The following PI15 variants were observed in gnomAD, a reference collection of about 807,000 sequenced individuals.
The protein encoded by PI15 is 25 kDa trypsin inhibitor.
Under a neutral mutation model 31.0 loss-of-function variants are expected in PI15, and 18 were observed. The observed-to-expected ratio is 0.58, with a 90% CI of 0.40 to 0.86. The LOEUF is 0.86. Ranked by LOEUF, PI15 falls within the 40% of genes least tolerant of loss-of-function variation. PI15 has a pLI of 0.00. For synonymous variants in PI15, 118 were observed against 119.1 expected (o/e 0.99, Z 0.06); for missense variants, 282 against 328.1 (o/e 0.86, Z 1.09).
chr8:74,836,372 G>C (rs1810872720), intron 2 of PI15, among the ~76,000 whole-genome samples: 1 of 152,132 alleles, frequency 6.6e-6, no homozygotes, highest in Non-Finnish European at 1.5e-5. Context: ...GGAGGAATGG[G>C]GGTAAGGTTG....
chr8:74,830,712 T>C (rs1341044841), intron 2 of PI15, among the ~76,000 whole-genome samples: 2 of 152,162 alleles, frequency 1.3e-5, no homozygotes, highest in Non-Finnish European at 2.9e-5. Context: ...ATATATCTTT[T>C]TTTTAACAAA....
intron 2 of PI15, among the ~76,000 whole-genome samples, chr8:74,833,606 C>T (rs1454377753): frequency 6.6e-6 from 1 of 152,088 alleles, no homozygotes; most frequent in Non-Finnish European, 1.5e-5. Context: ...AAATCTCCAA[C>T]AATAATAATA....
intron 2 of PI15, among the ~76,000 whole-genome samples, chr8:74,842,542 T>G (rs188402215): frequency 1.6e-3 from 237 of 152,318 alleles, no homozygotes; most frequent in Admixed American, 2.9e-3. Flanking sequence ...TAAACTTCTT[T>G]TTCTATAATG....
rs35189713 is a variant in PI15 at position 74,853,836 on chromosome 8, C to CTTT, written c.*4591_*4593dup. On this transcript the variant is annotated 3_prime_UTR_variant, in exon 6 of 6. Coordinates refer to ENST00000260113, the MANE Select transcript of PI15 (RefSeq NM_015886.5). ...CAGTTCTGAGGCACTTATTAAAGTGCTTTTTTTTTTCTGAATTAATTAGGT... is the reference window on the plus strand; with the variant it reads ...CAGTTCTGAGGCACTTATTAAAGTGCTTTTTTTTTTTTTCTGAATTAATTAGGT... The CTTT allele has an allele frequency of 2.5e-3, 372 of 147,228 alleles. 2 individuals carry two copies. Among genetic ancestry groups the CTTT allele is most frequent in the African/African-American group, 8.8e-3 (355 of 40,380 alleles). 9.1% of individuals were successfully genotyped at this position (147,228 alleles called of 1,614,324 possible).
rs1187840526 is a variant in PI15 at position 74,850,330 on chromosome 8, G to A, written c.*1077G>A. The A allele has an allele frequency of 6.6e-6, 1 of 152,194 alleles. No individual in the cohort carries two copies. The highest frequency in any genetic ancestry group is 2.4e-5 in the African/African-American group (1 of 41,452). The allele number at this position is 152,194 out of a possible 1,614,324, so 9.4% of individuals were successfully genotyped here. A position where few individuals can be genotyped will look rare whatever the true frequency, so the allele number is the denominator to read the frequency against. ...CCCTCAGAAAACCAATGAAGTCTAAGAGAAATAAAATTTAGTGGACAGGTA... is the reference window on the plus strand; with the variant it reads ...CCCTCAGAAAACCAATGAAGTCTAAAAGAAATAAAATTTAGTGGACAGGTA... On this transcript the variant is annotated 3_prime_UTR_variant, in exon 6 of 6. Coordinates refer to ENST00000260113, the MANE Select transcript of PI15 (RefSeq NM_015886.5).
At chr8:74,831,004 T>C (rs1810774501) in intron 2 of PI15, among the ~76,000 whole-genome samples, 1 of 152,136 alleles carries the variant, frequency 6.6e-6, no homozygotes, top group Non-Finnish European at 1.5e-5. Flanking sequence ...ACTGGGCACA[T>C]TTTGTAGGAA....
intron 2 of PI15, among the ~76,000 whole-genome samples, chr8:74,831,664 A>G (rs566085007): frequency 6.6e-6 from 1 of 152,270 alleles, no homozygotes; most frequent in African/African-American, 2.4e-5. Flanking sequence ...CTGAACTAGG[A>G]TAGATACAGG....
chr8:74,831,862 A>G (rs767445559), intron 2 of PI15, among the ~76,000 whole-genome samples: 1 of 152,106 alleles, frequency 6.6e-6, no homozygotes, highest in Non-Finnish European at 1.5e-5. Flanking sequence ...TATGTAGTAC[A>G]CTCGAGACAT....
At chr8:74,842,354 T>A (rs1810956791) in intron 2 of PI15, among the ~76,000 whole-genome samples, 1 of 152,170 alleles carries the variant, frequency 6.6e-6, no homozygotes. Flanking sequence ...TAAAATATGC[T>A]GCTAACCACT....
At position 74,845,510 on chromosome 8, in the gene PI15, T is replaced by C. The variant is rs1483112093; in HGVS notation, c.641+13T>C. On this transcript the variant is annotated intron_variant, in intron 5 of 5. Transcript: ENST00000260113. ...ACTATGCCCCAAAGTAAGTACCAGG[T>C]TGGATTCTATTTCCTGGATCCTTTA... 6.7e-7 allele frequency: 1 copy of C among 1,494,338 alleles called. No homozygotes were observed. Among genetic ancestry groups the C allele is most frequent in the East Asian group, 2.3e-5 (1 of 44,332 alleles). The allele number at this position is 1,494,338 out of a possible 1,614,324, so 92.6% of individuals were successfully genotyped here. A position where few individuals can be genotyped will look rare whatever the true frequency, so the allele number is the denominator to read the frequency against.
At chr8:74,844,169 T>C in intron 3 of PI15, 70 bp downstream of exon 3, 2 of 786,134 alleles carry the variant, frequency 2.5e-6, no homozygotes, top group South Asian at 2.8e-5. Flanking sequence ...GGAGGGAATT[T>C]CATCAATTTC....
chr8:74,843,951 C>T (rs376689127), intron 2 of PI15, 30 bp from the exon 3 acceptor site: 11 of 989,932 alleles, frequency 1.1e-5, no homozygotes, highest in South Asian at 3.8e-5. Context: ...CAGCAAATTC[C>T]GTAACGCTGA....
intron 1 of PI15, 60 bp from the exon 2 acceptor site, chr8:74,825,150 T>TGCTG: frequency 2.2e-6 from 2 of 926,284 alleles, no homozygotes; most frequent in Non-Finnish European, 3.3e-6. Context: ...TCTTTGTAAA[T>TGCTG]TCATACCCTC....
chr8:74,825,048 G>C, intron 1 of PI15, 162 bp from the exon 2 acceptor site: 1 of 632,954 alleles, frequency 1.6e-6, no homozygotes, highest in Non-Finnish European at 2.8e-6. Context: ...AAAATGAATA[G>C]AGATTCTACT....
At chr8:74,833,101 G>T (rs574262521) in intron 2 of PI15, among the ~76,000 whole-genome samples, 1 of 152,188 alleles carries the variant, frequency 6.6e-6, no homozygotes, top group Non-Finnish European at 1.5e-5. Context: ...GAGGTTTGCA[G>T]GAGTATCACA....
rs750194046 is a variant in PI15 at position 74,845,134 on chromosome 8, C to T, written c.399C>T (p.Arg133=). 2 of 1,612,578 alleles carry T rather than the reference C, an allele frequency of 1.2e-6. No homozygotes were observed. Among genetic ancestry groups the T allele is most frequent in the Non-Finnish European group, 1.7e-6 (2 of 1,178,596 alleles). The change falls in exon 4 of 6, where the codon CGC becomes CGT. Residue 133 remains arginine, a synonymous_variant. Transcript: ENST00000260113. ...TTCTTTTCTTTATATGCAGATATCG[C>T]TCTATTCTCCAGTTGGTCAAGCCAT... The part of the protein sequence containing the change: ...QNLSVRTGRY[R]SILQLVKPWY...
At chr8:74,832,394 A>T (rs1024137572) in intron 2 of PI15, among the ~76,000 whole-genome samples, 1 of 152,116 alleles carries the variant, frequency 6.6e-6, no homozygotes, top group African/African-American at 2.4e-5. Context: ...AGAATTTTGG[A>T]TGGGTATATC....
At chr8:74,843,888 T>TA (rs1414686153) in intron 2 of PI15, 93 bp from the exon 3 acceptor site, 5 of 762,248 alleles carry the variant, frequency 6.6e-6, no homozygotes, top group Non-Finnish European at 1.2e-5. Flanking sequence ...AGACAAACAA[T>TA]AACTCTAGGA....
intron 2 of PI15, among the ~76,000 whole-genome samples, chr8:74,835,295 C>T (rs1357578199): frequency 2.6e-5 from 4 of 152,098 alleles, no homozygotes; most frequent in Non-Finnish European, 4.4e-5. Context: ...TTAGAGTTTC[C>T]GTGAACATAG....
Sources: allele counts gnomAD v4.1 joint callset (sites outside exome capture counted in the v4.1 genomes callset), GRCh38; gene constraint gnomAD v4.1.1; transcripts MANE v1.5; gene names NCBI Gene and HGNC (gene_info 2026-07-23, HGNC 2026-07-21).